Variants in MYO5B observed in about 807,000 individuals in gnomAD.
MYO5B encodes unconventional myosin-Vb.
Under a neutral mutation model 229.3 loss-of-function variants are expected in MYO5B, and 143 were observed. That is an observed-to-expected ratio of 0.62 (90% CI 0.54 to 0.72). The LOEUF (loss-of-function observed/expected upper bound fraction) is 0.72, where lower values mean the gene tolerates loss of function less well. Ranked by LOEUF, MYO5B falls within the 30% of genes least tolerant of loss-of-function variation. The pLI, the probability that MYO5B is intolerant of heterozygous loss-of-function variation, is 0.00. For missense variants in MYO5B, 2,321 were observed against 2,331.0 expected (o/e 1.00, Z 0.09); for synonymous variants, 918 against 885.2 (o/e 1.04, Z -0.66).
At chr18:50,012,046 T>C (rs150050931) in intron 4 of MYO5B, among the ~76,000 whole-genome samples, 317 of 152,302 alleles carry the variant, frequency 2.1e-3, no homozygotes, top group Admixed American at 3.2e-3. Context: ...GTTTCAACCC[T>C]GGCTGTACAT....
In MYO5B at chr18:49,954,330, C is replaced by T. The variant is rs375739710; in HGVS notation, c.1651G>A (p.Val551Ile). 29 of 1,613,848 alleles carry T rather than the reference C, an allele frequency of 1.8e-5. No homozygotes were observed. The East Asian group carries it at 2.5e-4, about 14-fold the overall frequency. Residue 551 changes from valine to isoleucine, a missense_variant, in exon 13 of 40, where the codon GTC (valine) becomes ATC (isoleucine). Physicochemically the swap from Val to Ile is conservative, Grantham distance 29. Around this residue, in one of 2 missense-constraint regions of MYO5B, gnomAD observed 2,113 missense variants for 2,044.7 expected, o/e 1.03. Coordinates refer to ENST00000285039, the MANE Select transcript of MYO5B (RefSeq NM_001080467.3). ...AGAGCCACCTTGTCTGCAAAGTGGACGATGATGAAGGCCGTGTTGGACATG... is the reference window on the plus strand; with the variant it reads ...AGAGCCACCTTGTCTGCAAAGTGGATGATGATGAAGGCCGTGTTGGACATG... ...PRMSNTAFII[V>I]HFADKVEYLS...
intron 16 of MYO5B, among the ~76,000 whole-genome samples, chr18:49,935,432 G>A (rs770866034): frequency 9.3e-6 from 1 of 107,286 alleles, no homozygotes; most frequent in African/African-American, 3.1e-5. Context: ...CAGCAGGTTA[G>A]AGAGAACTTC....
chr18:50,042,815 C>T (rs760773474), intron 2 of MYO5B, among the ~76,000 whole-genome samples: 1 of 152,154 alleles, frequency 6.6e-6, no homozygotes, highest in Non-Finnish European at 1.5e-5. Flanking sequence ...ACAGGGACCG[C>T]CAGGTGCAGA....
chr18:49,879,145 T>C lies in MYO5B; in HGVS notation c.3131-55A>G, dbSNP rs540481995. ...TTCTGGATGGATTCCCTCACATGTA[T>C]TGACTCATGTTTTCCGATTAATCTC... On this transcript the variant is annotated intron_variant, in intron 23 of 39. Transcript: ENST00000285039. 1,529 of 1,611,018 alleles carry C rather than the reference T, an allele frequency of 9.5e-4. 23 individuals are homozygous for C. The South Asian group carries it at 0.015, about 15-fold the overall frequency.
intron 29 of MYO5B, among the ~76,000 whole-genome samples, chr18:49,858,170 C>T (rs1007966366): frequency 7.2e-5 from 11 of 152,198 alleles, no homozygotes; most frequent in African/African-American, 1.2e-4. Flanking sequence ...AAGTGGGGGT[C>T]CGATGTGCCT....
chr18:49,897,395 G>C (rs757279160), intron 21 of MYO5B, among the ~76,000 whole-genome samples: 14 of 152,134 alleles, frequency 9.2e-5, no homozygotes, highest in Non-Finnish European at 1.9e-4. Context: ...CTAGGCTAAT[G>C]AATGTATCCG....
At chr18:50,099,347 C>T (rs1336536249) in intron 1 of MYO5B, among the ~76,000 whole-genome samples, 1 of 152,212 alleles carries the variant, frequency 6.6e-6, no homozygotes, top group African/African-American at 2.4e-5. Context: ...CTTCTCAACA[C>T]AGGCAGCTGT....
chr18:50,087,343 G>A (rs1031205451), intron 1 of MYO5B, among the ~76,000 whole-genome samples: 8 of 152,016 alleles, frequency 5.3e-5, no homozygotes, highest in South Asian at 4.2e-4. Context: ...AGGCCGAGGC[G>A]GGTAGATCAC....
At chr18:49,867,421 T>A (rs2024409311) in intron 27 of MYO5B, among the ~76,000 whole-genome samples, 1 of 151,892 alleles carries the variant, frequency 6.6e-6, no homozygotes, top group African/African-American at 2.4e-5. Flanking sequence ...ATCAGTATGT[T>A]GGTGAGGACT....
intron 4 of MYO5B, among the ~76,000 whole-genome samples, chr18:50,015,292 G>A (rs1354915825): frequency 6.6e-6 from 1 of 152,134 alleles, no homozygotes; most frequent in Non-Finnish European, 1.5e-5. Context: ...ATTAAACTAT[G>A]GCTTTCCCCA....
intron 7 of MYO5B, among the ~76,000 whole-genome samples, chr18:49,988,136 G>C (rs930961136): frequency 9.2e-5 from 14 of 152,340 alleles, no homozygotes; most frequent in African/African-American, 2.9e-4. Flanking sequence ...GCAGAGACTT[G>C]TGTGCATTTG....
rs886053878 is a variant in MYO5B at position 49,902,602 on chromosome 18, C to T, written c.2803G>A (p.Asp935Asn). Reference sequence around the variant, plus strand: ...GAGCTGCAGACACTGACCTGCTCATCGATCTTCCGCTGCAGCTGGACCACC... The same window carrying T: ...GAGCTGCAGACACTGACCTGCTCATTGATCTTCCGCTGCAGCTGGACCACC... ...NKVVQLQRKI[D>N]EQNKEFKTLS... The change falls in exon 21 of 40, where the codon GAT becomes AAT. Residue 935 changes from aspartate (D) to asparagine (N), a missense_variant. Physicochemically the swap from Asp to Asn is conservative, Grantham distance 23. Coordinates refer to ENST00000285039, the MANE Select transcript of MYO5B (RefSeq NM_001080467.3). The T allele has an allele frequency of 5.0e-6, 8 of 1,612,202 alleles. No individual in the cohort carries two copies. The East Asian group carries it at 8.9e-5, about 18-fold the overall frequency.
chr18:50,139,873 A>G (rs1010674587), intron 1 of MYO5B, among the ~76,000 whole-genome samples: 1 of 152,214 alleles, frequency 6.6e-6, no homozygotes, highest in African/African-American at 2.4e-5. Context: ...TAATATCTCC[A>G]GAAACAAATC....
At chr18:50,147,395 G>C (rs1383876734) in intron 1 of MYO5B, among the ~76,000 whole-genome samples, 1 of 152,170 alleles carries the variant, frequency 6.6e-6, no homozygotes. Context: ...AATTACTGCA[G>C]TGACCTCCTG....
Position 49,864,132 on chromosome 18 carries a change from T to C in MYO5B, c.3843+9A>G, listed in dbSNP as rs780988723. The C allele has an allele frequency of 6.2e-7, 1 of 1,607,016 alleles. No homozygotes were observed. The highest frequency in any genetic ancestry group is 8.5e-7 in the Non-Finnish European group (1 of 1,179,778). ...TCGGCAGCCCCACCGCGGGCCGCCA[T>C]CTTGTTACCGCGTTCCTGCCGGCGA... is the stretch of plus-strand genomic sequence containing the variant. On this transcript the variant is annotated intron_variant, in intron 28 of 39. Coordinates refer to ENST00000285039, the MANE Select transcript of MYO5B (RefSeq NM_001080467.3).
chr18:50,012,067 T>C (rs1350309126), intron 4 of MYO5B, among the ~76,000 whole-genome samples: 1 of 151,808 alleles, frequency 6.6e-6, no homozygotes, highest in Admixed American at 6.5e-5. Context: ...TAAGAAGTGC[T>C]CGTGGAGCTT....
At chr18:50,186,214 C>T (rs2033147345) in intron 1 of MYO5B, among the ~76,000 whole-genome samples, 2 of 152,240 alleles carry the variant, frequency 1.3e-5, no homozygotes, top group Non-Finnish European at 2.9e-5. Context: ...ATCGCAAGTG[C>T]TCAGCAGCCA....
chr18:49,841,577 G>T, intron 34 of MYO5B, 123 bp from the exon 35 acceptor site: 3 of 880,822 alleles, frequency 3.4e-6, no homozygotes, highest in Non-Finnish European at 5.6e-6. Flanking sequence ...CTGAGGCTGG[G>T]CAGGGCACTT....
At chr18:49,922,505 T>C (rs946997530) in intron 17 of MYO5B, among the ~76,000 whole-genome samples, 4 of 152,154 alleles carry the variant, frequency 2.6e-5, no homozygotes, top group Non-Finnish European at 5.9e-5. Context: ...ATGGTGAGGA[T>C]GATTCGACTG....
Sources: gnomAD v4.1 joint callset for allele counts (sites outside exome capture counted in the v4.1 genomes callset) on GRCh38, gnomAD v4.1.1 for gene constraint, gnomAD v4.1.1 regional missense constraint, MANE v1.5 for transcripts, NCBI Gene and HGNC (gene_info 2026-07-23, HGNC 2026-07-21) for gene names.